The following TWIST2 variants were observed in gnomAD, a reference collection of about 807,000 sequenced individuals.
TWIST2 encodes twist-related protein 2.
Under a neutral mutation model 11.6 loss-of-function variants are expected in TWIST2, and 1 was observed. That is an observed-to-expected ratio of 0.09 (90% confidence interval 0.03 to 0.41). The LOEUF (loss-of-function observed/expected upper bound fraction) is 0.41. Ranked by LOEUF, TWIST2 falls within the 10% of genes least tolerant of loss-of-function variation. The pLI is 0.98. For missense variants in TWIST2, 168 were observed against 226.4 expected, an observed-to-expected ratio of 0.74 and a Z score of 1.66; for synonymous variants, 87 against 96.6, an observed-to-expected ratio of 0.90 and a Z score of 0.58.
At chr2:238,898,217 C>T (rs914384889) in intron 1 of TWIST2, among the ~76,000 whole-genome samples, 1 of 152,258 alleles carries the variant, frequency 6.6e-6, no homozygotes, top group Non-Finnish European at 1.5e-5. Flanking sequence ...CATGTTGCCT[C>T]TAACCAGCTG....
At chr2:238,851,583 T>C (rs892262887) in intron 1 of TWIST2, among the ~76,000 whole-genome samples, 1 of 152,006 alleles carries the variant, frequency 6.6e-6, no homozygotes, top group African/African-American at 2.4e-5. Context: ...CTTTTTTTTT[T>C]CTGAGAACTT....
At chr2:238,856,222 G>A (rs1692326839) in intron 1 of TWIST2, among the ~76,000 whole-genome samples, 1 of 152,192 alleles carries the variant, frequency 6.6e-6, no homozygotes, top group Non-Finnish European at 1.5e-5. Context: ...TGGCAGCATT[G>A]GAAGGGTAGA....
intron 1 of TWIST2, among the ~76,000 whole-genome samples, chr2:238,856,476 C>T (rs1446755984): frequency 1.3e-5 from 2 of 151,960 alleles, no homozygotes; most frequent in South Asian, 2.1e-4. Context: ...TTTCCATGTG[C>T]GTCCCCAGCA....
intron 1 of TWIST2, among the ~76,000 whole-genome samples, chr2:238,898,249 C>T (rs1359912908): frequency 6.6e-6 from 1 of 152,266 alleles, no homozygotes; most frequent in Non-Finnish European, 1.5e-5. Context: ...GTGGCCCAGC[C>T]TCAGCTGACC....
chr2:238,908,945 A>C (rs999151449), intron 1 of TWIST2, among the ~76,000 whole-genome samples: 23 of 141,194 alleles, frequency 1.6e-4, no homozygotes, highest in African/African-American at 6.3e-4. Context: ...TGTGTGTGGT[A>C]TTTGTATGTG....
At chr2:238,881,506 G>A (rs558736051) in intron 1 of TWIST2, among the ~76,000 whole-genome samples, 1 of 151,624 alleles carries the variant, frequency 6.6e-6, no homozygotes, top group African/African-American at 2.4e-5. Flanking sequence ...TATTAATGTT[G>A]GTGTTAGTAT....
At chr2:238,886,886 A>G (rs972405687) in intron 1 of TWIST2, 2 of 152,212 alleles carry the variant, frequency 1.3e-5, no homozygotes, top group African/African-American at 4.8e-5. Context: ...CGTTGGCGGG[A>G]GTGAGCACAT....
At chr2:238,859,634 T>C (rs995557254) in intron 1 of TWIST2, among the ~76,000 whole-genome samples, 3 of 151,930 alleles carry the variant, frequency 2.0e-5, no homozygotes, top group Non-Finnish European at 4.4e-5. Context: ...AGGTGTTCAG[T>C]TGGGGGTGGA....
At chr2:238,858,693 A>G (rs1022986013) in intron 1 of TWIST2, among the ~76,000 whole-genome samples, 8 of 152,202 alleles carry the variant, frequency 5.3e-5, no homozygotes, top group African/African-American at 1.7e-4. Flanking sequence ...AGTTTCTTAT[A>G]GCCCTCTGGC....
At chr2:238,874,073 G>A (rs1692761906) in intron 1 of TWIST2, among the ~76,000 whole-genome samples, 1 of 152,176 alleles carries the variant, frequency 6.6e-6, no homozygotes, top group African/African-American at 2.4e-5. Context: ...GGCCTGAGCT[G>A]CATCCCAGGC....
intron 1 of TWIST2, among the ~76,000 whole-genome samples, chr2:238,905,924 T>TGCGC (rs1468232462): frequency 1.1e-5 from 1 of 92,636 alleles, no homozygotes; most frequent in African/African-American, 5.4e-5. Flanking sequence ...CGTGCAGGTG[T>TGCGC]GCGTGTGCGC....
chr2:238,889,088 C>T (rs556690311), intron 1 of TWIST2, among the ~76,000 whole-genome samples: 1 of 152,332 alleles, frequency 6.6e-6, no homozygotes, highest in South Asian at 2.1e-4. Flanking sequence ...AAGTGGCCAT[C>T]CCTGGAGCCC....
intron 1 of TWIST2, among the ~76,000 whole-genome samples, chr2:238,902,872 TG>T (rs1693291156): frequency 7.6e-6 from 1 of 132,132 alleles, no homozygotes; most frequent in African/African-American, 2.9e-5. Context: ...ATGTGCGTGA[TG>T]TGAGGGGTGT....
intron 1 of TWIST2, among the ~76,000 whole-genome samples, chr2:238,894,862 A>G (rs1163993340): frequency 3.9e-5 from 6 of 152,154 alleles, no homozygotes; most frequent in Admixed American, 1.3e-4. Context: ...TGGACCTTTT[A>G]ATCTCTGTAT....
Position 238,867,237 on chromosome 2 carries a change from G to C in TWIST2, c.*35+18504G>C, listed in dbSNP as rs1233182473. On this transcript the variant is annotated intron_variant, in intron 1 of 1. Coordinates refer to ENST00000612363, the MANE Select transcript of TWIST2 (RefSeq NM_001271893.4). The surrounding 1 kb of genome is among the most constrained non-coding windows in gnomAD (Gnocchi z 4.8). ...CTGCAGAAGAGAAGGGGTAGAGGTGGAGAAAGAGGGAGAGGGAGGCAGGGA... is the reference window on the plus strand; with the variant it reads ...CTGCAGAAGAGAAGGGGTAGAGGTGCAGAAAGAGGGAGAGGGAGGCAGGGA... Among the ~76,000 whole-genome samples, 1 of 152,090 alleles carries C rather than the reference G, an allele frequency of 6.6e-6. No individual in the cohort carries two copies. Among genetic ancestry groups the C allele is most frequent in the East Asian group, 1.9e-4 (1 of 5,178 alleles).
chr2:238,909,705 A>G (rs1028159744), intron 1 of TWIST2, 137 bp from the exon 2 acceptor site: 1 of 152,392 alleles, frequency 6.6e-6, no homozygotes, highest in Non-Finnish European at 1.5e-5. Context: ...TGGGAGGAAC[A>G]TGAGTAGAAC....
intron 1 of TWIST2, among the ~76,000 whole-genome samples, chr2:238,861,856 G>A (rs534909689): frequency 4.7e-4 from 72 of 152,230 alleles, no homozygotes; most frequent in Non-Finnish European, 8.7e-4. Flanking sequence ...ATGAAATCTC[G>A]AGCTGTCCCG....
intron 1 of TWIST2, among the ~76,000 whole-genome samples, chr2:238,909,036 TC>T (rs1574770657): frequency 1.4e-5 from 2 of 145,708 alleles, no homozygotes; most frequent in East Asian, 2.0e-4. Flanking sequence ...TGTGGTGTAT[TC>T]GTGGTTGTGG....
intron 1 of TWIST2, among the ~76,000 whole-genome samples, chr2:238,907,671 G>A (rs1195690197): frequency 1.3e-5 from 2 of 151,594 alleles, no homozygotes; most frequent in Admixed American, 1.3e-4. Flanking sequence ...GAAACTGCAG[G>A]AAGTACACAT....
Sources: allele counts gnomAD v4.1 joint callset (sites outside exome capture counted in the v4.1 genomes callset), GRCh38; gene constraint gnomAD v4.1.1; non-coding constraint Gnocchi (gnomAD v3.1); transcripts MANE v1.5; gene names NCBI Gene and HGNC (gene_info 2026-07-23, HGNC 2026-07-21).